CDH18: variants seen among roughly 807,000 people sequenced by gnomAD.
CDH18 encodes cadherin 18.
Under a neutral mutation model 67.9 loss-of-function variants are expected in CDH18, and 31 were observed. The ratio of observed to expected loss-of-function variants is 0.46; its 90% CI spans 0.34 to 0.62. The LOEUF (loss-of-function observed/expected upper bound fraction) is 0.62. Among genes scored for constraint, CDH18 ranks in the 20% least tolerant of loss-of-function variants. CDH18 has a pLI of 0.01. For synonymous variants in CDH18, 362 were observed against 347.2 expected (o/e 1.04, Z -0.48); for missense variants, 890 against 975.5 (o/e 0.91, Z 1.17).
intron 2 of CDH18, among the ~76,000 whole-genome samples, chr5:20,067,035 A>G (rs1215737014): frequency 1.3e-5 from 2 of 151,992 alleles, no homozygotes; most frequent in African/African-American, 4.8e-5. Flanking sequence ...GTAAAAAATA[A>G]TACAAATAAA....
chr5:20,153,387 G>T (rs559878638), intron 2 of CDH18, among the ~76,000 whole-genome samples: 1 of 151,998 alleles, frequency 6.6e-6, no homozygotes, highest in African/African-American at 2.4e-5. Context: ...TCCAATATGT[G>T]GGCAAGCACA....
intron 1 of CDH18, among the ~76,000 whole-genome samples, chr5:20,295,663 G>A (rs1334544813): frequency 2.0e-5 from 3 of 151,478 alleles, no homozygotes; most frequent in African/African-American, 7.3e-5. Context: ...GGAGGTGGAC[G>A]TTGCAGTGAG....
chr5:19,898,167 A>C (rs1579485911), intron 2 of CDH18, among the ~76,000 whole-genome samples: 1 of 151,972 alleles, frequency 6.6e-6, no homozygotes, highest in East Asian at 1.9e-4. Context: ...TCTCTGTATT[A>C]TTTTCTCTAT....
intron 6 of CDH18, among the ~76,000 whole-genome samples, chr5:19,593,304 T>A (rs1489910282): frequency 6.6e-6 from 1 of 152,120 alleles, no homozygotes; most frequent in African/African-American, 2.4e-5. Flanking sequence ...GGTTCAAATG[T>A]CTTCACATCC....
At chr5:20,242,358 T>A (rs1742994419) in intron 2 of CDH18, among the ~76,000 whole-genome samples, 1 of 151,412 alleles carries the variant, frequency 6.6e-6, no homozygotes, top group African/African-American at 2.4e-5. Flanking sequence ...TTACAACATC[T>A]CCCTTTTCCC....
intron 1 of CDH18, among the ~76,000 whole-genome samples, chr5:20,382,733 G>A (rs1425955652): frequency 6.6e-6 from 1 of 152,088 alleles, no homozygotes; most frequent in Non-Finnish European, 1.5e-5. Context: ...AATATAAACA[G>A]CCACTTCAAA....
At chr5:20,414,329 A>C (rs75118327) in intron 1 of CDH18, among the ~76,000 whole-genome samples, 2 of 152,178 alleles carry the variant, frequency 1.3e-5, no homozygotes, top group South Asian at 4.1e-4. Context: ...ATATGAATGC[A>C]GTTGGGGGTC....
At chr5:20,407,101 G>C (rs748513983) in intron 1 of CDH18, among the ~76,000 whole-genome samples, 1 of 152,110 alleles carries the variant, frequency 6.6e-6, no homozygotes, top group Non-Finnish European at 1.5e-5. Flanking sequence ...TAGACCCCCA[G>C]GTATTTAAAA....
At chr5:20,406,112 T>G (rs1001476640) in intron 1 of CDH18, among the ~76,000 whole-genome samples, 1 of 152,188 alleles carries the variant, frequency 6.6e-6, no homozygotes, top group African/African-American at 2.4e-5. Context: ...TAAATCATGC[T>G]GCTATAAAGA....
At chr5:19,533,193 A>G (rs1051499862) in intron 9 of CDH18, among the ~76,000 whole-genome samples, 2 of 152,234 alleles carry the variant, frequency 1.3e-5, no homozygotes, top group African/African-American at 4.8e-5. Flanking sequence ...AAGAAGAGCC[A>G]ATGAAGGATG....
At chr5:20,216,472 G>A (rs1436934185) in intron 2 of CDH18, among the ~76,000 whole-genome samples, 1 of 151,886 alleles carries the variant, frequency 6.6e-6, no homozygotes, top group East Asian at 1.9e-4. Context: ...AATAAAAGTA[G>A]GAACCTGAAG....
intron 2 of CDH18, among the ~76,000 whole-genome samples, chr5:20,019,370 T>C (rs561843794): frequency 1.3e-5 from 2 of 152,272 alleles, no homozygotes; most frequent in South Asian, 4.1e-4. Flanking sequence ...CATTATAAAA[T>C]AGCATATTGA....
intron 2 of CDH18, among the ~76,000 whole-genome samples, chr5:19,963,362 A>G (rs1321302252): frequency 1.3e-5 from 2 of 152,106 alleles, no homozygotes; most frequent in Non-Finnish European, 2.9e-5. Context: ...CCGAGCCTGG[A>G]TAATCAATAT....
At chr5:20,336,252 G>T (rs1739722984) in intron 1 of CDH18, among the ~76,000 whole-genome samples, 1 of 152,016 alleles carries the variant, frequency 6.6e-6, no homozygotes, top group African/African-American at 2.4e-5. Flanking sequence ...TCCCCCAACA[G>T]CAGTTAGGAT....
intron 1 of CDH18, among the ~76,000 whole-genome samples, chr5:20,514,554 T>TGACATATGTACATG (rs1342655477): frequency 6.6e-6 from 1 of 152,132 alleles, no homozygotes; most frequent in Non-Finnish European, 1.5e-5. Flanking sequence ...TGGTGGCAAG[T>TGACATATGTACATG]GACATATGTA....
chr5:19,698,747 G>A (rs1762845782), intron 5 of CDH18, among the ~76,000 whole-genome samples: 1 of 151,982 alleles, frequency 6.6e-6, no homozygotes, highest in African/African-American at 2.4e-5. Flanking sequence ...AAAAGATGTG[G>A]AAGAGAGAGA....
intron 1 of CDH18, among the ~76,000 whole-genome samples, chr5:20,299,347 C>G (rs1747772585): frequency 6.6e-6 from 1 of 150,418 alleles, no homozygotes; most frequent in Non-Finnish European, 1.5e-5. Context: ...ATCCAAGTAA[C>G]TAGAAGAGAG....
chr5:20,092,959 T>C (rs1745570416), intron 2 of CDH18, among the ~76,000 whole-genome samples: 1 of 152,186 alleles, frequency 6.6e-6, no homozygotes, highest in South Asian at 2.1e-4. Context: ...TAAAAATTAT[T>C]TCAAATTTGC....
intron 5 of CDH18, among the ~76,000 whole-genome samples, chr5:19,684,490 T>C (rs114503061): frequency 0.04 from 5,976 of 150,634 alleles, 385 homozygotes; most frequent in African/African-American, 0.14. Context: ...TAAATTTATA[T>C]GTATAATATA....
Sources: allele counts gnomAD v4.1 joint callset (sites outside exome capture counted in the v4.1 genomes callset), GRCh38; gene constraint gnomAD v4.1.1; transcripts MANE v1.5; gene names NCBI Gene and HGNC (gene_info 2026-07-23, HGNC 2026-07-21).